The following EIF4G1 variants were observed in gnomAD, a reference collection of about 807,000 sequenced individuals.
The protein encoded by EIF4G1 is EIF4-gamma.
EIF4G1 carries 4 observed loss-of-function variants against 187.8 expected under a neutral mutation model. That is an observed-to-expected ratio of 0.02 (90% CI 0.01 to 0.05). The LOEUF is 0.05. Among genes scored for constraint, EIF4G1 ranks in the 10% least tolerant of loss-of-function variants. The pLI is 1.00. For synonymous variants in EIF4G1, 844 were observed against 781.4 expected (o/e 1.08, Z -1.34); for missense variants, 1,647 against 2,081.1 (o/e 0.79, Z 4.06).
At chr3:184,329,145 C>G in intron 28 of EIF4G1, 155 bp downstream of exon 28, 1 of 836,314 alleles carries the variant, frequency 1.2e-6, no homozygotes. Context: ...GGTGGGCCAT[C>G]TCCCGCACAC....
At chr3:184,328,096 T>G in intron 26 of EIF4G1, 94 bp downstream of exon 26, 2 of 1,463,202 alleles carry the variant, frequency 1.4e-6, no homozygotes, top group Non-Finnish European at 1.9e-6. Context: ...AGAGTGTAGG[T>G]TCCCTGGCCG....
At chr3:184,314,893 G>A (rs1239421670) in intron 1 of EIF4G1, among the ~76,000 whole-genome samples, 3 of 151,064 alleles carry the variant, frequency 2.0e-5, no homozygotes, top group African/African-American at 7.3e-5. Context: ...GCGCAGGGCC[G>A]GACTATGCGG....
At position 184,325,398 on chromosome 3, in the gene EIF4G1, G is replaced by A; in HGVS notation, c.2961+25G>A. On this transcript the variant is annotated intron_variant, in intron 19 of 32. Coordinates refer to ENST00000346169, the MANE Select transcript of EIF4G1 (RefSeq NM_198241.3). This position sits in a 1 kb window ranked among gnomAD's most constrained non-coding sequence, Gnocchi z 5.2. ...GGTGTGTGTCCCCCTCCTCCCCACT[G>A]CCAGCCTGCTGCCTCCAGTTTCTGA... The A allele has an allele frequency of 6.2e-7, 1 of 1,614,182 alleles. No homozygotes were observed. The highest frequency in any genetic ancestry group is 8.5e-7 in the Non-Finnish European group (1 of 1,180,008).
intron 28 of EIF4G1, 92 bp from the exon 29 acceptor site, chr3:184,331,174 T>A (rs1726026718): frequency 1.5e-6 from 2 of 1,351,888 alleles, no homozygotes; most frequent in Admixed American, 1.7e-5. Flanking sequence ...TAGTAGGCTT[T>A]CAGTAAATAT....
chr3:184,319,662 ATTC>A, intron 6 of EIF4G1, 24 bp from the exon 7 acceptor site: 1 of 1,423,870 alleles, frequency 7.0e-7, no homozygotes, highest in Non-Finnish European at 9.7e-7. Context: ...CGCTACCACC[ATTC>A]TTCTCCGTCC....
In EIF4G1 at chr3:184,317,528, A is replaced by G. The variant is rs1294305174; in HGVS notation, c.324+31A>G. 7 of 1,613,162 alleles carry G rather than the reference A, an allele frequency of 4.3e-6. No individual in the cohort carries two copies. In the South Asian group the frequency reaches 4.4e-5, roughly 10 times the overall value. ...GCTGGGGGCTTGGAGCCTAGAAGCC[A>G]CAGACCCCTATACCTCTCACTTAAC... On this transcript the variant is annotated intron_variant, in intron 5 of 32. Transcript: ENST00000346169.
rs764094379 is a variant in EIF4G1 at position 184,331,589 on chromosome 3, G to T, written c.4378G>T (p.Val1460Leu). 6 of 1,598,730 alleles carry T rather than the reference G, an allele frequency of 3.8e-6. No individual in the cohort carries two copies. Among genetic ancestry groups the T allele is most frequent in the Non-Finnish European group, 5.1e-6 (6 of 1,172,276 alleles). The change falls in exon 30 of 33, where the codon GTG becomes TTG. Residue 1460 changes from valine to leucine, a missense_variant. This residue lies in a region of EIF4G1 where 543 missense variants were observed against 638.0 expected (regional missense o/e 0.85). Transcript: ENST00000346169. ...GAAGGAGGGCAGCAGTAACCAGCGG[G>T]TGTTCGACTGGATAGAGGTAGGTTT... Reference protein sequence around the residue: ...LLKEGSSNQRVFDWIEANLSE... With the variant: ...LLKEGSSNQRLFDWIEANLSE...
In EIF4G1 at chr3:184,328,661, C is replaced by T. The variant is rs768262673; in HGVS notation, c.3984C>T (p.Asp1328=). ...ATGAAATCTTGGAATTGGCTGAGGA[C>T]ATGGAAATTGACATCCCCCACGTGT... ...GLYEILELAE[D]MEIDIPHVWL... Residue 1328 remains aspartate (D), a synonymous_variant, in exon 27 of 33, where the codon GAC becomes GAT. Coordinates refer to ENST00000346169, the MANE Select transcript of EIF4G1 (RefSeq NM_198241.3). 2 of 1,614,020 alleles carry T rather than the reference C, an allele frequency of 1.2e-6. No individual in the cohort carries two copies.
In EIF4G1 at chr3:184,315,490, C is replaced by A. The variant is rs1011914054; in HGVS notation, c.-90C>A. Reference sequence around the variant, plus strand: ...GATACCCTCACCTCCCAACCCCAGGCCCTCGGATGCCCAGAACCTGTAGGC... The same window carrying A: ...GATACCCTCACCTCCCAACCCCAGGACCTCGGATGCCCAGAACCTGTAGGC... On this transcript the variant is annotated splice_region_variant and 5_prime_UTR_variant, in exon 2 of 33. Coordinates refer to ENST00000346169, the MANE Select transcript of EIF4G1 (RefSeq NM_198241.3). The A allele has an allele frequency of 6.1e-6, 4 of 658,826 alleles. No individual in the cohort carries two copies. The highest frequency in any genetic ancestry group is 8.6e-6 in the Non-Finnish European group (3 of 350,332). 40.8% of individuals were successfully genotyped at this position (658,826 alleles called of 1,614,324 possible).
At chr3:184,320,293 C>T (rs1723663873) in intron 7 of EIF4G1, 2 of 1,264,078 alleles carry the variant, frequency 1.6e-6, no homozygotes, top group East Asian at 8.5e-5. Context: ...GCACACTAGC[C>T]ACAAGTGAGC....
At position 184,319,390 on chromosome 3, in the gene EIF4G1, C is replaced by T. The variant is rs1723381766; in HGVS notation, c.425-299C>T. 9 of 453,868 alleles carry T rather than the reference C, an allele frequency of 2.0e-5. 1 individual carries two copies. Among genetic ancestry groups the T allele is most frequent in the South Asian group, 1.9e-4 (9 of 46,422 alleles). The allele number at this position is 453,868 out of a possible 1,614,324, so 28.1% of individuals were successfully genotyped here. On this transcript the variant is annotated intron_variant, in intron 6 of 32. Coordinates refer to ENST00000346169, the MANE Select transcript of EIF4G1 (RefSeq NM_198241.3). Reference sequence around the variant, plus strand: ...GGACAGACATAAGTCCTCCTGGTCACTGGTGTGTGGTAGGAAAGAGTGCCT... The same window carrying T: ...GGACAGACATAAGTCCTCCTGGTCATTGGTGTGTGGTAGGAAAGAGTGCCT...
chr3:184,326,362 C>A (rs753566131), intron 21 of EIF4G1, among the ~76,000 whole-genome samples, 165 bp from the exon 22 acceptor site: 1 of 152,218 alleles, frequency 6.6e-6, no homozygotes, highest in Non-Finnish European at 1.5e-5. Flanking sequence ...TTTCATGCTA[C>A]TGTGGCAGAA....
chr3:184,325,731 G>A lies in EIF4G1; in HGVS notation c.3121+92G>A. 1 of 1,610,074 alleles carries A rather than the reference G, an allele frequency of 6.2e-7. No homozygotes were observed. The highest frequency in any genetic ancestry group is 8.5e-7 in the Non-Finnish European group (1 of 1,176,474). On this transcript the variant is annotated intron_variant, in intron 20 of 32. Transcript: ENST00000346169. The surrounding 1 kb of genome is among the most constrained non-coding windows in gnomAD (Gnocchi z 5.2). ...GACTTCCTGTTAGTGCCACGTGTCT[G>A]GGCCACTGAGACACCATGATGGAAC... is the stretch of plus-strand genomic sequence containing the variant.
intron 10 of EIF4G1, 95 bp downstream of exon 10, chr3:184,322,198 C>T (rs1724016954): frequency 6.3e-7 from 1 of 1,587,346 alleles, no homozygotes; most frequent in Non-Finnish European, 8.6e-7. Context: ...GTTTCTGGGT[C>T]CCTGCAATGG....
Position 184,327,675 on chromosome 3 carries a change from G to C in EIF4G1, c.3751G>C (p.Glu1251Gln). The C allele has an allele frequency of 6.2e-7, 1 of 1,614,200 alleles. No individual in the cohort carries two copies. The highest frequency in any genetic ancestry group is 8.5e-7 in the Non-Finnish European group (1 of 1,180,026). The change falls in exon 25 of 33, where the codon GAG becomes CAG. Residue 1251 changes from glutamate (E) to glutamine (Q), a missense_variant. Glu to Gln is a conservative substitution (Grantham distance 29). This residue lies in a region of EIF4G1 where 543 missense variants were observed against 638.0 expected (regional missense o/e 0.85). Coordinates refer to ENST00000346169, the MANE Select transcript of EIF4G1 (RefSeq NM_198241.3). The part of the protein sequence containing the change: ...ELEKKSKAII[E>Q]EYLHLNDMKE... ...AGAGAAGAAATCCAAGGCTATCATT[G>C]AGGAATATCTCCATCTCAATGACAT... is the stretch of plus-strand genomic sequence containing the variant.
chr3:184,334,942 G>T lies in EIF4G1; in HGVS notation c.*34G>T. The T allele has an allele frequency of 6.2e-7, 1 of 1,612,682 alleles. No homozygotes were observed. Among genetic ancestry groups the T allele is most frequent in the Non-Finnish European group, 8.5e-7 (1 of 1,179,698 alleles). On this transcript the variant is annotated 3_prime_UTR_variant, in exon 33 of 33. Transcript: ENST00000346169. This position sits in a 1 kb window ranked among gnomAD's most constrained non-coding sequence, Gnocchi z 5.8. Reference sequence around the variant, plus strand: ...GGGGCCGGGGACCTGGAGCCCCATGGACACACAGATGGCCCGGCTAGCCGC... The same window carrying T: ...GGGGCCGGGGACCTGGAGCCCCATGTACACACAGATGGCCCGGCTAGCCGC...
intron 6 of EIF4G1, among the ~76,000 whole-genome samples, chr3:184,318,741 A>T (rs1397158786): frequency 1.3e-5 from 2 of 151,728 alleles, no homozygotes; most frequent in African/African-American, 2.4e-5. Flanking sequence ...AGTAGCTGGG[A>T]TTACAGGCGT....
At chr3:184,328,340 G>A (rs904015680) in intron 26 of EIF4G1, 30 of 494,278 alleles carry the variant, frequency 6.1e-5, no homozygotes, top group Middle Eastern at 5.8e-4. Flanking sequence ...GCAGTGAGCC[G>A]AGATCGTGCC....
rs1218012739 is a variant in EIF4G1 at position 184,327,379 on chromosome 3, C to T, written c.3592C>T (p.Pro1198Ser). 2.5e-6 allele frequency: 4 copies of T among 1,613,542 alleles called. No homozygotes were observed. The highest frequency in any genetic ancestry group is 3.4e-6 in the Non-Finnish European group (4 of 1,180,032). The change falls in exon 24 of 33, where the codon CCC becomes TCC. Residue 1198 changes from proline to serine, a missense_variant. By Grantham distance (74) the Pro-to-Ser change is moderately conservative (BLOSUM62 -1). Transcript: ENST00000346169. Reference sequence around the variant, plus strand: ...AGTGGAGGAGCGGAGTAGAGAACGGCCCTCCCAGCCTGAGGGGCTGCGCAA... The same window carrying T: ...AGTGGAGGAGCGGAGTAGAGAACGGTCCTCCCAGCCTGAGGGGCTGCGCAA... ...KEVEERSRER[P>S]SQPEGLRKAA...
Sources: allele counts gnomAD v4.1 joint callset (sites outside exome capture counted in the v4.1 genomes callset), GRCh38; gene constraint gnomAD v4.1.1; regional missense constraint gnomAD v4.1.1; non-coding constraint Gnocchi (gnomAD v3.1); transcripts MANE v1.5; gene names NCBI Gene and HGNC (gene_info 2026-07-23, HGNC 2026-07-21).